DOCK9: variants seen among roughly 807,000 people sequenced by gnomAD.
DOCK9 encodes dedicator of cytokinesis 9.
A neutral mutation model predicts 263.3 loss-of-function variants in DOCK9; 89 were observed. That is an observed-to-expected ratio of 0.34 (90% confidence interval 0.28 to 0.40). The LOEUF is 0.40. Among genes scored for constraint, DOCK9 ranks in the 10% least tolerant of loss-of-function variants. The probability of loss-of-function intolerance (pLI) is 1.00; values close to 1 mark genes in which losing one functional copy is unlikely to be tolerated. For missense variants in DOCK9, 2,140 were observed against 2,603.4 expected, an observed-to-expected ratio of 0.82 and a Z score of 3.87; for synonymous variants, 976 against 973.1, an observed-to-expected ratio of 1.00 and a Z score of -0.06.
intron 3 of DOCK9, among the ~76,000 whole-genome samples, chr13:98,929,420 G>C (rs1039118671): frequency 1.3e-5 from 2 of 152,240 alleles, no homozygotes; most frequent in East Asian, 3.9e-4. Flanking sequence ...GTGCACGCCT[G>C]TAATCCCAGC....
chr13:98,927,605 GC>G (rs1290987321), intron 3 of DOCK9, among the ~76,000 whole-genome samples: 1 of 142,936 alleles, frequency 7.0e-6, no homozygotes, highest in African/African-American at 2.6e-5. Context: ...TATGAATGGA[GC>G]CCAGATTTTT....
intron 1 of DOCK9, among the ~76,000 whole-genome samples, chr13:98,968,819 G>C (rs2141284983): frequency 6.6e-6 from 1 of 152,314 alleles, no homozygotes; most frequent in East Asian, 1.9e-4. Context: ...ATAAAAGTTA[G>C]GTCTAGTCTT....
At chr13:98,937,011 T>TCTTTTCTA (rs368895008) in intron 2 of DOCK9, among the ~76,000 whole-genome samples, 392 of 152,364 alleles carry the variant, frequency 2.6e-3, no homozygotes, top group African/African-American at 8.8e-3. Context: ...GCTGTGGCAT[T>TCTTTTCTA]CTTTTCTACT....
chr13:98,881,275 G>A (rs2044710507), intron 25 of DOCK9, among the ~76,000 whole-genome samples: 1 of 151,640 alleles, frequency 6.6e-6, no homozygotes, highest in African/African-American at 2.4e-5. Flanking sequence ...GCCTAGCCAA[G>A]AACAACTTAA....
chr13:98,918,502 A>G (rs2051275438), intron 7 of DOCK9, among the ~76,000 whole-genome samples: 1 of 152,236 alleles, frequency 6.6e-6, no homozygotes, highest in Non-Finnish European at 1.5e-5. Flanking sequence ...TAAAATAAAA[A>G]TCAAGACACA....
At position 98,930,234 on chromosome 13, in the gene DOCK9, A is replaced by T. The variant is rs766969010; in HGVS notation, c.267T>A (p.Gly89=). ...DFQTAILRRQ[G]RYICSTVPAK... The stretch of plus-strand genomic sequence containing the variant: ...CAGGCACTGTTGAGCATATGTATCG[A>T]CCCTGTCGTCTCAGGATGGCCGTCT... The change falls in exon 3 of 53, where the codon GGT becomes GGA. Residue 89 remains glycine, a synonymous_variant. Transcript: ENST00000682017. 26 of 1,611,192 alleles carry T rather than the reference A, an allele frequency of 1.6e-5. No individual in the cohort carries two copies. In the South Asian group the frequency reaches 2.6e-4, roughly 16 times the overall value.
At chr13:98,996,762 T>G (rs548537983) in intron 1 of DOCK9, among the ~76,000 whole-genome samples, 22 of 152,372 alleles carry the variant, frequency 1.4e-4, no homozygotes, top group Non-Finnish European at 2.8e-4. Flanking sequence ...TCTTCCAGTG[T>G]GGCCCAGGGA....
At chr13:99,000,306 G>A (rs114309158) in intron 1 of DOCK9, among the ~76,000 whole-genome samples, 1,972 of 152,296 alleles carry the variant, frequency 0.013, 31 homozygotes, top group African/African-American at 0.044. Flanking sequence ...TCATGCATCT[G>A]AATGAGAAAG....
intron 1 of DOCK9, chr13:99,016,068 A>G (rs1384075529): frequency 1.3e-5 from 2 of 152,956 alleles, no homozygotes; most frequent in African/African-American, 4.8e-5. Flanking sequence ...GGCACAAAGA[A>G]TGTTCATCTG....
chr13:98,796,652 C>G (rs2089450066), intron 52 of DOCK9, among the ~76,000 whole-genome samples: 2 of 152,202 alleles, frequency 1.3e-5, no homozygotes, highest in South Asian at 4.1e-4. Flanking sequence ...CCAAGGCCCA[C>G]TGTACATCAT....
intron 39 of DOCK9, among the ~76,000 whole-genome samples, chr13:98,835,544 A>T (rs2092959280): frequency 6.6e-6 from 1 of 152,108 alleles, no homozygotes; most frequent in African/African-American, 2.4e-5. Flanking sequence ...TAGCTCTAGA[A>T]GCTCAATCTT....
At chr13:98,993,273 A>G (rs903931944) in intron 1 of DOCK9, among the ~76,000 whole-genome samples, 1 of 152,270 alleles carries the variant, frequency 6.6e-6, no homozygotes, top group Admixed American at 6.5e-5. Flanking sequence ...ATCATTACGG[A>G]CCCCGTATGA....
chr13:98,937,884 C>T (rs1187971477), intron 2 of DOCK9, among the ~76,000 whole-genome samples: 1 of 152,178 alleles, frequency 6.6e-6, no homozygotes, highest in African/African-American at 2.4e-5. Flanking sequence ...ATGATCTCCT[C>T]CAAACACTGG....
At chr13:98,817,000 A>G in intron 45 of DOCK9, among the ~76,000 whole-genome samples, 1 of 152,210 alleles carries the variant, frequency 6.6e-6, no homozygotes, top group Non-Finnish European at 1.5e-5. Flanking sequence ...ACATAAAAAC[A>G]TATGTAGACA....
chr13:98,952,194 A>G (rs372315670), intron 2 of DOCK9, among the ~76,000 whole-genome samples: 5 of 151,064 alleles, frequency 3.3e-5, no homozygotes, highest in East Asian at 2.0e-4. Flanking sequence ...CACCGTGCCC[A>G]GCCTACTTCA....
intron 45 of DOCK9, among the ~76,000 whole-genome samples, chr13:98,812,973 C>T (rs150497984): frequency 5.5e-4 from 84 of 152,196 alleles, no homozygotes; most frequent in African/African-American, 1.9e-3. Flanking sequence ...AAGGAAAGTG[C>T]TTTGTTTGAA....
intron 35 of DOCK9, among the ~76,000 whole-genome samples, chr13:98,852,597 C>T (rs532954599): frequency 1.4e-4 from 21 of 152,344 alleles, no homozygotes; most frequent in African/African-American, 5.1e-4. Flanking sequence ...CAAAAAATGG[C>T]ACTTTGTTTT....
At chr13:98,837,672 G>A (rs1489807806) in intron 38 of DOCK9, 63 bp from the exon 39 acceptor site, 9 of 1,101,394 alleles carry the variant, frequency 8.2e-6, no homozygotes, top group South Asian at 2.8e-5. Flanking sequence ...GGCAGGATGC[G>A]GTAGGCACAG....
chr13:98,811,277 TAA>T (rs2091272386), intron 45 of DOCK9, among the ~76,000 whole-genome samples: 1 of 152,244 alleles, frequency 6.6e-6, no homozygotes, highest in African/African-American at 2.4e-5. Flanking sequence ...ATGGCTTTGG[TAA>T]AGTGTCTATT....
Sources: allele counts gnomAD v4.1 joint callset (sites outside exome capture counted in the v4.1 genomes callset), GRCh38; gene constraint gnomAD v4.1.1; transcripts MANE v1.5; gene names NCBI Gene and HGNC (gene_info 2026-07-23, HGNC 2026-07-21).